The following KSR2 variants were observed in gnomAD, a reference collection of about 807,000 sequenced individuals.
The protein encoded by KSR2 is kinase suppressor of ras 2.
In KSR2, 25 loss-of-function variants were observed where a neutral mutation model predicts 107.8. The observed-to-expected ratio is 0.23, with a 90% CI of 0.17 to 0.32. The LOEUF is 0.32. KSR2 is among the 10% of genes least tolerant of loss of function. The probability of loss-of-function intolerance (pLI) is 1.00; values close to 1 mark genes in which losing one functional copy is unlikely to be tolerated. For missense variants in KSR2, 887 were observed against 1,268.9 expected, an observed-to-expected ratio of 0.70 and a Z score of 4.57; for synonymous variants, 480 against 507.0, an observed-to-expected ratio of 0.95 and a Z score of 0.71.
chr12:117,565,646 TAA>T (rs1878439678), intron 7 of KSR2, among the ~76,000 whole-genome samples: 1 of 152,200 alleles, frequency 6.6e-6, no homozygotes, highest in Non-Finnish European at 1.5e-5. Flanking sequence ...CCATGTGAGA[TAA>T]ACTGTGTGAA....
intron 14 of KSR2, among the ~76,000 whole-genome samples, chr12:117,491,316 A>C (rs1391956144): frequency 6.6e-6 from 1 of 152,084 alleles, no homozygotes; most frequent in Non-Finnish European, 1.5e-5. Context: ...AGTAGCTGGG[A>C]TTACAGGTGC....
At chr12:117,936,572 G>T (rs1895856512) in intron 1 of KSR2, among the ~76,000 whole-genome samples, 1 of 150,964 alleles carries the variant, frequency 6.6e-6, no homozygotes, top group African/African-American at 2.4e-5. Context: ...AGTAGTAGTA[G>T]TAGAGACAGG....
At position 117,531,585 on chromosome 12, in the gene KSR2, T is replaced by G. The variant is rs1276008578; in HGVS notation, c.1729+81A>C. On this transcript the variant is annotated intron_variant, in intron 11 of 19. Transcript: ENST00000339824. ...TGATCTTAGGCACCCCCACAACATC[T>G]GCCTCCATTCATCCCAGAAACTCCT... The G allele has an allele frequency of 3.3e-6, 4 of 1,223,442 alleles. No individual in the cohort carries two copies. In the Admixed American group the frequency reaches 7.8e-5, roughly 24 times the overall value. The allele number at this position is 1,223,442 out of a possible 1,614,324, so 75.8% of individuals were successfully genotyped here.
intron 3 of KSR2, among the ~76,000 whole-genome samples, chr12:117,790,038 G>A (rs886479064): frequency 6.6e-6 from 1 of 152,108 alleles, no homozygotes. Context: ...GTCACACCTG[G>A]ACCCCTGCCA....
Position 117,539,725 on chromosome 12 carries a change from GGTTGAA to G in KSR2, c.1675_1680del (p.Phe559_Asn560del). 6.3e-7 allele frequency: 1 copy of G among 1,598,546 alleles called. No homozygotes were observed. The highest frequency in any genetic ancestry group is 8.5e-7 in the Non-Finnish European group (1 of 1,173,610). On this transcript the variant is annotated inframe_deletion, in exon 10 of 20. Coordinates refer to ENST00000339824, the MANE Select transcript of KSR2 (RefSeq NM_173598.6). Reference sequence around the variant, plus strand: ...TCCCCAAGCATGGAGGTACCTGGCAGGTTGAAGTTCTTCTGCTGCCGTGTGCACTGT... The same window carrying G: ...TCCCCAAGCATGGAGGTACCTGGCAGGTTCTTCTGCTGCCGTGTGCACTGT...
intron 5 of KSR2, among the ~76,000 whole-genome samples, chr12:117,665,114 C>T (rs986379698): frequency 5.9e-5 from 9 of 152,064 alleles, no homozygotes; most frequent in African/African-American, 9.7e-5. Context: ...TTCTTCTTTC[C>T]GGGAGCTCAG....
chr12:117,571,655 C>T (rs561779603), intron 7 of KSR2, among the ~76,000 whole-genome samples: 2 of 152,226 alleles, frequency 1.3e-5, no homozygotes, highest in South Asian at 4.2e-4. Context: ...ATAATAACAT[C>T]CTGTCTTCAA....
intron 3 of KSR2, among the ~76,000 whole-genome samples, chr12:117,799,344 A>C (rs1890747360): frequency 6.6e-6 from 1 of 151,996 alleles, no homozygotes; most frequent in Non-Finnish European, 1.5e-5. Context: ...TCTACTAAAA[A>C]CACAAAAATT....
intron 1 of KSR2, among the ~76,000 whole-genome samples, chr12:117,926,571 C>A (rs1895525627): frequency 6.6e-6 from 1 of 152,222 alleles, no homozygotes; most frequent in Non-Finnish European, 1.5e-5. Flanking sequence ...CTCTTTTCAG[C>A]ACTTTGGAAG....
chr12:117,588,813 A>G (rs1425311375), intron 5 of KSR2, among the ~76,000 whole-genome samples: 6 of 152,188 alleles, frequency 3.9e-5, no homozygotes, highest in Non-Finnish European at 8.8e-5. Context: ...CAGTGTTCTC[A>G]GGCAAAAACT....
At chr12:117,893,622 C>G (rs1445713548) in intron 1 of KSR2, among the ~76,000 whole-genome samples, 1 of 152,178 alleles carries the variant, frequency 6.6e-6, no homozygotes, top group Non-Finnish European at 1.5e-5. Context: ...AATTCTAACA[C>G]CCACTCCAAA....
At chr12:117,612,407 A>T (rs1881655532) in intron 5 of KSR2, among the ~76,000 whole-genome samples, 1 of 149,196 alleles carries the variant, frequency 6.7e-6, no homozygotes, top group African/African-American at 2.5e-5. Flanking sequence ...CGTCTCAAAA[A>T]CAAAAAAAAG....
Position 117,456,462 on chromosome 12 carries a change from G to C in KSR2, c.*10737C>G, listed in dbSNP as rs1870625667. The stretch of plus-strand genomic sequence containing the variant: ...TGTAACACATGTAGAAAAATAAGCA[G>C]AGGAAAATGGCTAGAATCTTACAGG... On this transcript the variant is annotated 3_prime_UTR_variant, in exon 20 of 20. Transcript: ENST00000339824. 6.6e-6 allele frequency: 1 copy of C among 152,192 alleles called. No homozygotes were observed. Among genetic ancestry groups the C allele is most frequent in the African/African-American group, 2.4e-5 (1 of 41,434 alleles). 9.4% of individuals were successfully genotyped at this position (152,192 alleles called of 1,614,324 possible).
intron 5 of KSR2, among the ~76,000 whole-genome samples, chr12:117,602,307 A>G (rs112167437): frequency 6.6e-6 from 1 of 152,220 alleles, no homozygotes; most frequent in Non-Finnish European, 1.5e-5. Flanking sequence ...ACAGTGGTGC[A>G]CAAACATCAC....
chr12:117,946,485 A>T (rs1176483221), intron 1 of KSR2, among the ~76,000 whole-genome samples: 6 of 152,210 alleles, frequency 3.9e-5, no homozygotes, highest in African/African-American at 1.4e-4. Flanking sequence ...AATTTCAATA[A>T]GATGTACCAA....
At chr12:117,486,006 A>C (rs1002824714) in intron 14 of KSR2, among the ~76,000 whole-genome samples, 2 of 152,218 alleles carry the variant, frequency 1.3e-5, no homozygotes, top group Non-Finnish European at 2.9e-5. Flanking sequence ...GCAGCACATA[A>C]ATCAAAAACT....
intron 5 of KSR2, among the ~76,000 whole-genome samples, chr12:117,594,944 T>G (rs2136277453): frequency 6.6e-6 from 1 of 150,634 alleles, no homozygotes; most frequent in Non-Finnish European, 1.5e-5. Context: ...CAGCTCCAAA[T>G]GTCAACAGTG....
chr12:117,895,170 G>A (rs1894472990), intron 1 of KSR2, among the ~76,000 whole-genome samples: 1 of 152,110 alleles, frequency 6.6e-6, no homozygotes, highest in Non-Finnish European at 1.5e-5. Context: ...CCAGGACTTT[G>A]AGGCTGCAGT....
chr12:117,583,138 T>A (rs924589479), intron 5 of KSR2, among the ~76,000 whole-genome samples: 1 of 151,542 alleles, frequency 6.6e-6, no homozygotes, highest in East Asian at 1.9e-4. Flanking sequence ...ATGGATAGGA[T>A]GGATGGATAG....
Sources: allele counts gnomAD v4.1 joint callset (sites outside exome capture counted in the v4.1 genomes callset), GRCh38; gene constraint gnomAD v4.1.1; transcripts MANE v1.5; gene names NCBI Gene and HGNC (gene_info 2026-07-23, HGNC 2026-07-21).